The following KCNMA1 variants were observed in gnomAD, a reference collection of about 807,000 sequenced individuals.
KCNMA1 encodes Calcium-activated potassium channel subunit alpha-1.
In KCNMA1, 29 loss-of-function variants were observed where a neutral mutation model predicts 140.0. The ratio of observed to expected loss-of-function variants is 0.21; its 90% CI spans 0.15 to 0.28. The LOEUF (loss-of-function observed/expected upper bound fraction) is 0.28, where lower values mean the gene tolerates loss of function less well. Among genes scored for constraint, KCNMA1 ranks in the 10% least tolerant of loss-of-function variants. The pLI is 1.00. For synonymous variants in KCNMA1, 612 were observed against 611.9 expected, an observed-to-expected ratio of 1.00 and a Z score of 0.00; for missense variants, 880 against 1,602.2, an observed-to-expected ratio of 0.55 and a Z score of 7.70.
chr10:77,571,113 T>C (rs1360538263), intron 1 of KCNMA1, among the ~76,000 whole-genome samples: 1 of 152,196 alleles, frequency 6.6e-6, no homozygotes, highest in African/African-American at 2.4e-5. Context: ...TAAAAATTAG[T>C]CTATTGTTTC....
chr10:77,102,648 A>T (rs960343796), intron 9 of KCNMA1, among the ~76,000 whole-genome samples: 2 of 152,142 alleles, frequency 1.3e-5, no homozygotes, highest in Non-Finnish European at 2.9e-5. Flanking sequence ...TAAAAGCAAG[A>T]GTGTTAGCTC....
chr10:77,250,047 C>T (rs1269366270), intron 3 of KCNMA1: 1 of 152,162 alleles, frequency 6.6e-6, no homozygotes, highest in African/African-American at 2.4e-5. Context: ...ACATTTTGGC[C>T]TCTCCACCCA....
At chr10:77,541,957 A>T (rs1334296983) in intron 1 of KCNMA1, among the ~76,000 whole-genome samples, 1 of 152,234 alleles carries the variant, frequency 6.6e-6, no homozygotes, top group Non-Finnish European at 1.5e-5. Flanking sequence ...ATTGTGACAA[A>T]GAGAAATGAG....
At chr10:76,925,821 T>C (rs1427098918) in intron 23 of KCNMA1, among the ~76,000 whole-genome samples, 2 of 152,150 alleles carry the variant, frequency 1.3e-5, no homozygotes, top group Non-Finnish European at 2.9e-5. Flanking sequence ...ATAACATCCA[T>C]ATCTTAAGCA....
intron 5 of KCNMA1, among the ~76,000 whole-genome samples, chr10:77,171,131 T>G (rs979748854): frequency 6.6e-6 from 1 of 152,088 alleles, no homozygotes; most frequent in African/African-American, 2.4e-5. Context: ...GGCCCCCAGA[T>G]CAGCAGCAGC....
At chr10:77,160,312 T>C (rs956117002) in intron 5 of KCNMA1, among the ~76,000 whole-genome samples, 3 of 152,222 alleles carry the variant, frequency 2.0e-5, no homozygotes, top group Admixed American at 2.0e-4. Flanking sequence ...CCTTTTTCTC[T>C]TGTCTGGAAT....
chr10:77,576,825 T>C (rs1394901038), intron 1 of KCNMA1, among the ~76,000 whole-genome samples: 1 of 152,172 alleles, frequency 6.6e-6, no homozygotes, highest in Non-Finnish European at 1.5e-5. Context: ...AGCCTCGAGA[T>C]GCTGGTAACC....
chr10:77,629,274 C>A (rs528295703), intron 1 of KCNMA1, among the ~76,000 whole-genome samples: 1 of 152,292 alleles, frequency 6.6e-6, no homozygotes, highest in Admixed American at 6.5e-5. Flanking sequence ...TTTGAAACTG[C>A]CCTTCCCTCC....
chr10:77,343,315 T>A (rs1400997428), intron 2 of KCNMA1, among the ~76,000 whole-genome samples: 3 of 152,172 alleles, frequency 2.0e-5, no homozygotes, highest in African/African-American at 7.2e-5. Context: ...ACAATCCATG[T>A]GATAGGTATT....
At chr10:77,615,038 T>A (rs1277092189) in intron 1 of KCNMA1, among the ~76,000 whole-genome samples, 1 of 152,118 alleles carries the variant, frequency 6.6e-6, no homozygotes, top group Non-Finnish European at 1.5e-5. Flanking sequence ...GAACACATAA[T>A]CCCTGATAGA....
chr10:77,534,935 C>G (rs1430529096), intron 1 of KCNMA1, among the ~76,000 whole-genome samples: 1 of 152,200 alleles, frequency 6.6e-6, no homozygotes, highest in Non-Finnish European at 1.5e-5. Flanking sequence ...AACTTATACC[C>G]TGCAACCTAC....
intron 3 of KCNMA1, among the ~76,000 whole-genome samples, chr10:77,188,053 A>G (rs935387644): frequency 1.3e-5 from 2 of 152,206 alleles, no homozygotes; most frequent in African/African-American, 4.8e-5. Context: ...ATTAATGCAC[A>G]TTATAGGATG....
At chr10:77,632,248 A>G (rs926823940) in intron 1 of KCNMA1, among the ~76,000 whole-genome samples, 3 of 140,558 alleles carry the variant, frequency 2.1e-5, no homozygotes, top group Non-Finnish European at 4.7e-5. Flanking sequence ...CACAGAACAC[A>G]CTTGGGGAAA....
rs1318663809 is a variant in KCNMA1 at position 77,001,343 on chromosome 10, C to T, written c.2266+64G>A. On this transcript the variant is annotated intron_variant, in intron 19 of 27. Transcript: ENST00000286628. ...TGACTCAGAACCACAGGGCACAGCACAAGACAGGGATGATACCACAGACAG... is the reference window on the plus strand; with the variant it reads ...TGACTCAGAACCACAGGGCACAGCATAAGACAGGGATGATACCACAGACAG... The T allele has an allele frequency of 2.8e-6, 4 of 1,452,438 alleles. No individual in the cohort carries two copies. In the East Asian group the frequency reaches 7.4e-5, roughly 27 times the overall value. The allele number at this position is 1,452,438 out of a possible 1,614,324, so 90.0% of individuals were successfully genotyped here.
intron 21 of KCNMA1, among the ~76,000 whole-genome samples, chr10:76,950,545 G>A (rs935457283): frequency 6.6e-6 from 1 of 152,312 alleles, no homozygotes; most frequent in Middle Eastern, 3.4e-3. Flanking sequence ...TCTCCTTCTG[G>A]TTCAATGCCT....
At chr10:77,428,405 GT>G (rs1162974102) in intron 1 of KCNMA1, among the ~76,000 whole-genome samples, 6 of 152,200 alleles carry the variant, frequency 3.9e-5, no homozygotes, top group Admixed American at 3.3e-4. Flanking sequence ...GACTGAGGGG[GT>G]GAAGAGCAAG....
intron 1 of KCNMA1, among the ~76,000 whole-genome samples, chr10:77,550,280 C>T (rs1291020253): frequency 1.3e-5 from 2 of 152,210 alleles, no homozygotes; most frequent in African/African-American, 4.8e-5. Context: ...GAACTCCCAT[C>T]TGATATTGGC....
chr10:77,551,601 G>A (rs1008307984), intron 1 of KCNMA1, among the ~76,000 whole-genome samples: 2 of 152,172 alleles, frequency 1.3e-5, no homozygotes, highest in Non-Finnish European at 2.9e-5. Flanking sequence ...GTCCTGCCTA[G>A]GGCCTGGAAA....
At chr10:77,136,338 ATAATGT>A (rs2098027089) in intron 5 of KCNMA1, among the ~76,000 whole-genome samples, 2 of 152,178 alleles carry the variant, frequency 1.3e-5, no homozygotes, top group African/African-American at 4.8e-5. Context: ...AATTTTTGAC[ATAATGT>A]TAAGTTAAAG....
Sources: allele counts gnomAD v4.1 joint callset (sites outside exome capture counted in the v4.1 genomes callset), GRCh38; gene constraint gnomAD v4.1.1; transcripts MANE v1.5; gene names NCBI Gene and HGNC (gene_info 2026-07-23, HGNC 2026-07-21).